The following SLC10A7 variants were observed in gnomAD, a reference collection of about 807,000 sequenced individuals.
SLC10A7 encodes the protein sodium/bile acid cotransporter 7.
In SLC10A7, 29 loss-of-function variants were observed where a neutral mutation model predicts 43.2. The observed-to-expected ratio is 0.67, with a 90% CI of 0.50 to 0.92. SLC10A7 has a LOEUF of 0.92. Among genes scored for constraint, SLC10A7 ranks in the 40% least tolerant of loss-of-function variants. The pLI is 0.00. For synonymous variants in SLC10A7, 152 were observed against 144.8 expected (o/e 1.05, Z -0.35); for missense variants, 295 against 403.2 (o/e 0.73, Z 2.30).
At chr4:146,371,607 CAG>C (rs1392339850) in intron 5 of SLC10A7, among the ~76,000 whole-genome samples, 1 of 152,180 alleles carries the variant, frequency 6.6e-6, no homozygotes, top group African/African-American at 2.4e-5. Context: ...GACATAATTT[CAG>C]AGTTAGCCTG....
At chr4:146,517,560 C>G (rs891165571) in intron 1 of SLC10A7, among the ~76,000 whole-genome samples, 2 of 152,052 alleles carry the variant, frequency 1.3e-5, no homozygotes, top group African/African-American at 4.8e-5. Context: ...GTCTTACTGT[C>G]CCAACAGAGG....
At chr4:146,402,637 G>A (rs1306465752) in intron 5 of SLC10A7, among the ~76,000 whole-genome samples, 1 of 152,144 alleles carries the variant, frequency 6.6e-6, no homozygotes, top group East Asian at 1.9e-4. Flanking sequence ...AAGGGGGCAG[G>A]GGGACAGGAA....
chr4:146,319,340 C>T (rs1732538294), intron 6 of SLC10A7, among the ~76,000 whole-genome samples: 1 of 152,038 alleles, frequency 6.6e-6, no homozygotes. Context: ...CTAGAAGGCT[C>T]ACTTTCTTAT....
chr4:146,416,445 G>A (rs1728572229), intron 5 of SLC10A7, among the ~76,000 whole-genome samples: 1 of 152,170 alleles, frequency 6.6e-6, no homozygotes, highest in African/African-American at 2.4e-5. Context: ...TAGAAAGCGT[G>A]AACACATTCG....
intron 10 of SLC10A7, among the ~76,000 whole-genome samples, chr4:146,269,637 A>G (rs920725818): frequency 2.6e-5 from 4 of 152,238 alleles, no homozygotes; most frequent in African/African-American, 9.6e-5. Flanking sequence ...GCCTCTTCTG[A>G]CTGGCTCTGG....
At chr4:146,357,900 C>CT (rs1260962237) in intron 5 of SLC10A7, among the ~76,000 whole-genome samples, 1 of 151,722 alleles carries the variant, frequency 6.6e-6, no homozygotes, top group Non-Finnish European at 1.5e-5. Context: ...TCAAGTAACC[C>CT]GAAAAAGAGA....
intron 5 of SLC10A7, among the ~76,000 whole-genome samples, chr4:146,416,764 A>G (rs1257632181): frequency 6.6e-6 from 1 of 152,180 alleles, no homozygotes; most frequent in African/African-American, 2.4e-5. Flanking sequence ...CAAGGTCCTA[A>G]CTTTATAATC....
chr4:146,374,837 A>G (rs1463766319), intron 5 of SLC10A7, among the ~76,000 whole-genome samples: 2 of 152,198 alleles, frequency 1.3e-5, no homozygotes. Flanking sequence ...CATTGGATGT[A>G]AAAAGTACTG....
intron 5 of SLC10A7, among the ~76,000 whole-genome samples, chr4:146,398,960 T>C (rs1739028445): frequency 6.6e-6 from 1 of 152,206 alleles, no homozygotes; most frequent in Admixed American, 6.5e-5. Flanking sequence ...CCCGACTCTC[T>C]AGTGGAGATT....
intron 1 of SLC10A7, among the ~76,000 whole-genome samples, chr4:146,520,570 C>G (rs1738531924): frequency 6.6e-6 from 1 of 152,100 alleles, no homozygotes; most frequent in African/African-American, 2.4e-5. Context: ...GAGAAGGGAC[C>G]ACTGCTGTTC....
At chr4:146,417,798 G>A (rs1044161048) in intron 5 of SLC10A7, among the ~76,000 whole-genome samples, 81 of 152,250 alleles carry the variant, frequency 5.3e-4, no homozygotes, top group African/African-American at 1.9e-3. Context: ...TTCAGCTACA[G>A]ATTTGGCTAA....
intron 5 of SLC10A7, among the ~76,000 whole-genome samples, chr4:146,429,275 T>C (rs1729598274): frequency 6.6e-6 from 1 of 152,130 alleles, no homozygotes; most frequent in Admixed American, 6.5e-5. Flanking sequence ...GTCAAAAGAA[T>C]TCAACATACA....
chr4:146,258,196 A>G (rs965619598), intron 11 of SLC10A7, among the ~76,000 whole-genome samples: 28 of 152,220 alleles, frequency 1.8e-4, no homozygotes, highest in Non-Finnish European at 3.4e-4. Flanking sequence ...TTAGCTACTT[A>G]AAGTTTATTT....
chr4:146,349,730 C>T (rs557501886), intron 5 of SLC10A7, among the ~76,000 whole-genome samples: 1 of 152,178 alleles, frequency 6.6e-6, no homozygotes, highest in East Asian at 1.9e-4. Flanking sequence ...CAGCTGGAGG[C>T]CATTATCCTA....
intron 5 of SLC10A7, among the ~76,000 whole-genome samples, chr4:146,328,015 G>T (rs1053488799): frequency 6.6e-6 from 1 of 152,166 alleles, no homozygotes; most frequent in Admixed American, 6.5e-5. Flanking sequence ...ACATCATATG[G>T]GGGCCTAGGG....
At chr4:146,269,888 G>A (rs1728790214) in intron 10 of SLC10A7, among the ~76,000 whole-genome samples, 1 of 152,192 alleles carries the variant, frequency 6.6e-6, no homozygotes, top group South Asian at 2.1e-4. Flanking sequence ...GTAAATGTGA[G>A]TAGGCTGTGA....
chr4:146,281,879 A>G (rs905458835), intron 10 of SLC10A7, among the ~76,000 whole-genome samples: 2 of 152,196 alleles, frequency 1.3e-5, no homozygotes, highest in Non-Finnish European at 2.9e-5. Context: ...GGGCTCTCTC[A>G]TGTAGTCCAC....
At chr4:146,479,928 A>G (rs1351520608) in intron 4 of SLC10A7, among the ~76,000 whole-genome samples, 1 of 152,194 alleles carries the variant, frequency 6.6e-6, no homozygotes, top group Non-Finnish European at 1.5e-5. Flanking sequence ...AAAACATTCA[A>G]CATTCAAAAA....
intron 5 of SLC10A7, among the ~76,000 whole-genome samples, chr4:146,390,463 T>C (rs892480176): frequency 6.6e-6 from 1 of 152,034 alleles, no homozygotes; most frequent in Non-Finnish European, 1.5e-5. Flanking sequence ...ACCGTATCTC[T>C]ACAAAAAATA....
Sources: gnomAD v4.1 joint callset for allele counts (sites outside exome capture counted in the v4.1 genomes callset) on GRCh38, gnomAD v4.1.1 for gene constraint, MANE v1.5 for transcripts, NCBI Gene and HGNC (gene_info 2026-07-23, HGNC 2026-07-21) for gene names.